Variants in GRK5 observed in about 807,000 individuals in gnomAD.
GRK5 encodes the protein G protein-coupled receptor kinase 5.
Under a neutral mutation model 78.4 loss-of-function variants are expected in GRK5, and 40 were observed. The ratio of observed to expected loss-of-function variants is 0.51; its 90% CI spans 0.40 to 0.66. GRK5 has a LOEUF of 0.66. Among genes scored for constraint, GRK5 ranks in the 30% least tolerant of loss-of-function variants. The probability of loss-of-function intolerance (pLI) is 0.00; values close to 1 mark genes in which losing one functional copy is unlikely to be tolerated. For synonymous variants in GRK5, 289 were observed against 296.8 expected (o/e 0.97, Z 0.27); for missense variants, 598 against 759.9 (o/e 0.79, Z 2.50).
intron 3 of GRK5, among the ~76,000 whole-genome samples, chr10:119,393,161 A>G (rs1851914263): frequency 6.6e-6 from 1 of 152,226 alleles, no homozygotes; most frequent in Admixed American, 6.5e-5. Flanking sequence ...ATCAGTGCGA[A>G]AAGCCCAGCT....
chr10:119,211,749 C>T (rs1848489322), intron 1 of GRK5: 1 of 152,214 alleles, frequency 6.6e-6, no homozygotes, highest in South Asian at 2.1e-4. Flanking sequence ...TCTTCCTGAT[C>T]ATCAAGATTA....
At chr10:119,287,813 T>G (rs540526307) in intron 1 of GRK5, among the ~76,000 whole-genome samples, 1 of 152,328 alleles carries the variant, frequency 6.6e-6, no homozygotes, top group South Asian at 2.1e-4. Flanking sequence ...TGTGCAAGGC[T>G]GGCACAGTCA....
intron 2 of GRK5, among the ~76,000 whole-genome samples, chr10:119,352,323 A>G (rs1851197783): frequency 6.6e-6 from 1 of 152,298 alleles, no homozygotes; most frequent in East Asian, 1.9e-4. Context: ...GATAAGAGGG[A>G]AAGGGTAAAA....
At chr10:119,397,982 A>G (rs967292714) in intron 4 of GRK5, among the ~76,000 whole-genome samples, 2 of 152,216 alleles carry the variant, frequency 1.3e-5, no homozygotes, top group African/African-American at 4.8e-5. Context: ...GCCCTTTTGC[A>G]CTTTTCAGAA....
At position 119,398,203 on chromosome 10, in the gene GRK5, G is replaced by A. The variant is rs1038737358; in HGVS notation, c.339+1431G>A. Among the ~76,000 whole-genome samples, 23 of 152,146 alleles carry A rather than the reference G, an allele frequency of 1.5e-4. 1 individual carries two copies. Among genetic ancestry groups the A allele is most frequent in the African/African-American group, 5.1e-4 (21 of 41,430 alleles). ...GGTCCCTGTTCACCCAGTCGCAGCC[G>A]ATGTCATATTGGTGGGGCTCTGGCT... is the stretch of plus-strand genomic sequence containing the variant. On this transcript the variant is annotated intron_variant, in intron 4 of 15. Transcript: ENST00000392870.
At chr10:119,300,172 C>G (rs778390040) in intron 1 of GRK5, among the ~76,000 whole-genome samples, 1 of 152,090 alleles carries the variant, frequency 6.6e-6, no homozygotes, top group Non-Finnish European at 1.5e-5. Flanking sequence ...GTCTCATGAC[C>G]CTGGGTGCCG....
At chr10:119,252,555 G>A (rs996373542) in intron 1 of GRK5, among the ~76,000 whole-genome samples, 8 of 152,106 alleles carry the variant, frequency 5.3e-5, no homozygotes, top group African/African-American at 1.9e-4. Context: ...GTTCTACCCC[G>A]GGTAGCAGCA....
At chr10:119,444,895 G>T (rs75946542) in intron 12 of GRK5, among the ~76,000 whole-genome samples, 1 of 152,330 alleles carries the variant, frequency 6.6e-6, no homozygotes, top group South Asian at 2.1e-4. Flanking sequence ...ATTAAAAGTC[G>T]CAATGCTTCT....
At chr10:119,405,704 C>T (rs11814777) in intron 4 of GRK5, among the ~76,000 whole-genome samples, 3,349 of 152,176 alleles carry the variant, frequency 0.022, 128 homozygotes, top group African/African-American at 0.076. Flanking sequence ...CTTTCCAGCT[C>T]TGCATCCTTG....
At chr10:119,210,838 G>C (rs945269314) in intron 1 of GRK5, among the ~76,000 whole-genome samples, 6 of 152,220 alleles carry the variant, frequency 3.9e-5, no homozygotes, top group African/African-American at 1.2e-4. Context: ...AAAATAATTT[G>C]TAGTTGTCCA....
At chr10:119,425,656 C>T (rs185199651) in intron 6 of GRK5, among the ~76,000 whole-genome samples, 7 of 152,350 alleles carry the variant, frequency 4.6e-5, no homozygotes, top group Non-Finnish European at 8.8e-5. Flanking sequence ...AGTGCCTGCT[C>T]CTCAGCTTCA....
chr10:119,236,851 C>T (rs1012657076), intron 1 of GRK5, among the ~76,000 whole-genome samples: 1 of 151,984 alleles, frequency 6.6e-6, no homozygotes, highest in East Asian at 1.9e-4. Context: ...AGGCTGGTCT[C>T]GAACTCCTGA....
At position 119,439,752 on chromosome 10, in the gene GRK5, C is replaced by A. The variant is rs1301529422; in HGVS notation, c.951C>A (p.Ile317=). ...TCAGAGATCTGAAACCTGAAAACAT[C>A]CTGTTAGATGATTATGGTAAGTCTT... ...TVYRDLKPEN[I]LLDDYGHIRI... Residue 317 remains isoleucine, a synonymous_variant, in exon 10 of 16, where the codon ATC becomes ATA. Coordinates refer to ENST00000392870, the MANE Select transcript of GRK5 (RefSeq NM_005308.3). The A allele has an allele frequency of 1.2e-6, 2 of 1,614,056 alleles. No homozygotes were observed. The highest frequency in any genetic ancestry group is 1.7e-5 in the Admixed American group (1 of 60,022).
At chr10:119,397,880 T>C (rs1006089485) in intron 4 of GRK5, among the ~76,000 whole-genome samples, 1 of 152,270 alleles carries the variant, frequency 6.6e-6, no homozygotes, top group African/African-American at 2.4e-5. Flanking sequence ...GCGCACACAG[T>C]CGCCATCACC....
At chr10:119,443,439 G>T (rs1853078149) in intron 11 of GRK5, 105 bp from the exon 12 acceptor site, 1 of 982,840 alleles carries the variant, frequency 1.0e-6, no homozygotes, top group Admixed American at 2.3e-5. Context: ...ACAGCAGTTG[G>T]TGGGGTAAGA....
chr10:119,441,993 C>T lies in GRK5; in HGVS notation c.968-6C>T, dbSNP rs772515562. 1 of 1,613,512 alleles carries T rather than the reference C, an allele frequency of 6.2e-7. No homozygotes were observed. The highest frequency in any genetic ancestry group is 8.5e-7 in the Non-Finnish European group (1 of 1,179,544). On this transcript the variant is annotated splice_polypyrimidine_tract_variant and splice_region_variant and intron_variant, in intron 10 of 15. Transcript: ENST00000392870. ...AGGGACCCACTGACCCTGCTGTCCC[C>T]CTCAGGCCACATTAGGATCTCAGAC...
chr10:119,439,876 A>G (rs1389081867), intron 10 of GRK5, 108 bp downstream of exon 10: 1 of 981,234 alleles, frequency 1.0e-6, no homozygotes, highest in East Asian at 2.4e-5. Flanking sequence ...CACGGGCCCC[A>G]CTCCCACTGC....
intron 1 of GRK5, among the ~76,000 whole-genome samples, chr10:119,287,320 G>A (rs1445164723): frequency 1.5e-4 from 6 of 40,246 alleles, no homozygotes; most frequent in African/African-American, 3.7e-4. Flanking sequence ...GAGGGAGAGA[G>A]GGAGGGAGGA....
At chr10:119,290,640 A>T (rs909716989) in intron 1 of GRK5, among the ~76,000 whole-genome samples, 1 of 151,846 alleles carries the variant, frequency 6.6e-6, no homozygotes, top group Non-Finnish European at 1.5e-5. Flanking sequence ...CAGCCCTTGG[A>T]AACCTTTCTG....
Sources: allele counts gnomAD v4.1 joint callset (sites outside exome capture counted in the v4.1 genomes callset), GRCh38; gene constraint gnomAD v4.1.1; transcripts MANE v1.5; gene names NCBI Gene and HGNC (gene_info 2026-07-23, HGNC 2026-07-21).